Variants in PDGFD observed in about 807,000 individuals in gnomAD.
The protein encoded by PDGFD is platelet-derived growth factor D.
A neutral mutation model predicts 44.7 loss-of-function variants in PDGFD; 30 were observed. The ratio of observed to expected loss-of-function variants is 0.67; its 90% CI spans 0.50 to 0.91. The LOEUF (loss-of-function observed/expected upper bound fraction) is 0.91. PDGFD is among the 40% of genes least tolerant of loss of function. The pLI, the probability that PDGFD is intolerant of heterozygous loss-of-function variation, is 0.00. For missense variants in PDGFD, 445 were observed against 457.8 expected (o/e 0.97, Z 0.25); for synonymous variants, 173 against 168.4 (o/e 1.03, Z -0.21).
intron 1 of PDGFD, among the ~76,000 whole-genome samples, chr11:104,145,207 C>A (rs1862145866): frequency 6.6e-6 from 1 of 152,146 alleles, no homozygotes; most frequent in African/African-American, 2.4e-5. Flanking sequence ...TACCCTTAAT[C>A]ATTATTCCAT....
chr11:103,973,694 T>C (rs1171837150), intron 3 of PDGFD, among the ~76,000 whole-genome samples: 1 of 152,148 alleles, frequency 6.6e-6, no homozygotes, highest in East Asian at 1.9e-4. Flanking sequence ...AGGCTGAATT[T>C]AAATTCCAGA....
At chr11:104,049,557 GTTTT>G (rs1860495179) in intron 1 of PDGFD, among the ~76,000 whole-genome samples, 1 of 151,258 alleles carries the variant, frequency 6.6e-6, no homozygotes, top group South Asian at 2.1e-4. Flanking sequence ...GTTTTGTTTT[GTTTT>G]GTTTTCTGGT....
At chr11:104,098,862 T>C (rs375739158) in intron 1 of PDGFD, among the ~76,000 whole-genome samples, 9 of 152,156 alleles carry the variant, frequency 5.9e-5, no homozygotes, top group African/African-American at 2.2e-4. Flanking sequence ...CACAATGTTA[T>C]ACAGAACTGG....
intron 1 of PDGFD, among the ~76,000 whole-genome samples, chr11:104,056,961 C>T (rs1860627421): frequency 6.6e-6 from 1 of 152,006 alleles, no homozygotes; most frequent in South Asian, 2.1e-4. Context: ...AACCCCGTGT[C>T]TACTAAAATA....
At chr11:103,918,149 T>C (rs1267036185) in intron 6 of PDGFD, among the ~76,000 whole-genome samples, 1 of 152,194 alleles carries the variant, frequency 6.6e-6, no homozygotes, top group Non-Finnish European at 1.5e-5. Flanking sequence ...GAAAGTTCTT[T>C]AGGGAGACAA....
At chr11:104,025,630 C>T (rs569889413) in intron 1 of PDGFD, among the ~76,000 whole-genome samples, 80 of 152,274 alleles carry the variant, frequency 5.3e-4, no homozygotes, top group African/African-American at 1.8e-3. Context: ...ATGAAAGCCT[C>T]AGCATTTCCT....
chr11:104,083,235 G>A (rs1222010668), intron 1 of PDGFD, among the ~76,000 whole-genome samples: 1 of 152,134 alleles, frequency 6.6e-6, no homozygotes, highest in African/African-American at 2.4e-5. Context: ...CTAACTAACT[G>A]CAGGGAGAAG....
At chr11:104,051,366 A>T (rs551365927) in intron 1 of PDGFD, among the ~76,000 whole-genome samples, 1 of 152,316 alleles carries the variant, frequency 6.6e-6, no homozygotes, top group African/African-American at 2.4e-5. Context: ...AATTCCACTC[A>T]GATGATCAGT....
At chr11:104,001,697 C>G (rs546468677) in intron 1 of PDGFD, among the ~76,000 whole-genome samples, 1 of 152,134 alleles carries the variant, frequency 6.6e-6, no homozygotes, top group African/African-American at 2.4e-5. Context: ...GCTTTTTAGG[C>G]CCCACCATAA....
At chr11:103,937,775 T>C (rs1425456341) in intron 5 of PDGFD, among the ~76,000 whole-genome samples, 5 of 145,032 alleles carry the variant, frequency 3.4e-5, no homozygotes, top group African/African-American at 1.0e-4. Context: ...CATTGTTCAA[T>C]TCCCACCTAT....
At chr11:103,929,471 GGCATGTAA>G (rs1266887114) in intron 5 of PDGFD, among the ~76,000 whole-genome samples, 3 of 152,160 alleles carry the variant, frequency 2.0e-5, no homozygotes, top group African/African-American at 7.2e-5. Flanking sequence ...ACCAGGAGAA[GGCATGTAA>G]GCCTCATTCT....
chr11:103,943,724 C>G (rs371269531), intron 4 of PDGFD, 74 bp from the exon 5 acceptor site: 1 of 1,286,918 alleles, frequency 7.8e-7, no homozygotes, highest in Admixed American at 2.0e-5. Flanking sequence ...TTCAACTATA[C>G]GGAAGGAACA....
chr11:103,979,171 C>T (rs539990080), intron 3 of PDGFD, among the ~76,000 whole-genome samples: 1 of 152,158 alleles, frequency 6.6e-6, no homozygotes, highest in East Asian at 1.9e-4. Context: ...TACTCTATAG[C>T]TAAAGCCTGA....
In PDGFD at chr11:103,909,647, T is replaced by C. The variant is rs145694152; in HGVS notation, c.*47A>G. The C allele has an allele frequency of 2.0e-4, 324 of 1,609,982 alleles. 7 individuals carry two copies. In the African/African-American group the frequency reaches 3.8e-3, roughly 19 times the overall value. ...AAAGGGTCTCTTATCTCACCCTCCT[T>C]AAACTAAAGGTTCTTTCAGGCTTAA... is the stretch of plus-strand genomic sequence containing the variant. On this transcript the variant is annotated 3_prime_UTR_variant, in exon 7 of 7. Coordinates refer to ENST00000393158, the MANE Select transcript of PDGFD (RefSeq NM_025208.5).
At chr11:104,039,369 G>A (rs778736491) in intron 1 of PDGFD, among the ~76,000 whole-genome samples, 5 of 151,486 alleles carry the variant, frequency 3.3e-5, no homozygotes, top group African/African-American at 9.7e-5. Context: ...CTATTTTCCC[G>A]ACAAGATATA....
At chr11:104,063,035 C>G (rs150377706) in intron 1 of PDGFD, among the ~76,000 whole-genome samples, 2 of 152,120 alleles carry the variant, frequency 1.3e-5, no homozygotes, top group African/African-American at 4.8e-5. Flanking sequence ...CTCCTCAGAT[C>G]CAGTAAACTA....
intron 5 of PDGFD, among the ~76,000 whole-genome samples, chr11:103,928,844 C>T (rs1858357784): frequency 6.6e-6 from 1 of 152,178 alleles, no homozygotes; most frequent in Non-Finnish European, 1.5e-5. Context: ...GAAAGGATTA[C>T]ATAAATGGAT....
intron 3 of PDGFD, among the ~76,000 whole-genome samples, chr11:103,956,378 C>A (rs1250960553): frequency 1.3e-5 from 2 of 149,070 alleles, no homozygotes; most frequent in African/African-American, 5.1e-5. Context: ...CATGTCCCTA[C>A]AAAGGACATG....
intron 1 of PDGFD, among the ~76,000 whole-genome samples, chr11:104,046,232 T>A (rs77674440): frequency 0.021 from 3,056 of 147,734 alleles, 335 homozygotes; most frequent in African/African-American, 0.071. Context: ...ATACAAGGCA[T>A]CTTTTGTTAC....
Sources: allele counts gnomAD v4.1 joint callset (sites outside exome capture counted in the v4.1 genomes callset), GRCh38; gene constraint gnomAD v4.1.1; transcripts MANE v1.5; gene names NCBI Gene and HGNC (gene_info 2026-07-23, HGNC 2026-07-21).